Variants in DIP2C observed in about 807,000 individuals in gnomAD.
The protein encoded by DIP2C is disco-interacting protein 2 homolog C.
A neutral mutation model predicts 192.4 loss-of-function variants in DIP2C; 33 were observed. That is an observed-to-expected ratio of 0.17 (90% confidence interval 0.13 to 0.23). The LOEUF (loss-of-function observed/expected upper bound fraction) is 0.23. DIP2C is among the 10% of genes least tolerant of loss of function. The pLI is 1.00. For missense variants in DIP2C, 1,537 were observed against 2,110.1 expected, an observed-to-expected ratio of 0.73 and a Z score of 5.32; for synonymous variants, 979 against 864.1, an observed-to-expected ratio of 1.13 and a Z score of -2.33.
chr10:275,145 A>G lies in DIP2C; in HGVS notation c.*2180T>C, dbSNP rs1010639437. On this transcript the variant is annotated 3_prime_UTR_variant, in exon 37 of 37. Coordinates refer to ENST00000280886, the MANE Select transcript of DIP2C (RefSeq NM_014974.3). ...CAGTTGAAATTATGTTTGAAGTGACATCTACATTTGTTTTGCTTCCTGACT... is the reference window on the plus strand; with the variant it reads ...CAGTTGAAATTATGTTTGAAGTGACGTCTACATTTGTTTTGCTTCCTGACT... 4 of 152,288 alleles carry G rather than the reference A, an allele frequency of 2.6e-5. No homozygotes were observed. The highest frequency in any genetic ancestry group is 1.3e-4 in the Admixed American group (2 of 15,286). The allele number at this position is 152,288 out of a possible 1,614,324, so 9.4% of individuals were successfully genotyped here.
intron 26 of DIP2C, among the ~76,000 whole-genome samples, chr10:346,733 A>G (rs71489240): frequency 8.0e-5 from 6 of 75,388 alleles, no homozygotes; most frequent in Non-Finnish European, 9.9e-5. Flanking sequence ...AACGTCACAC[A>G]CACCCAGACA....
In DIP2C at chr10:662,609, A is replaced by G. The variant is rs150484411; in HGVS notation, c.85+26885T>C. Among the ~76,000 whole-genome samples, 274 of 152,364 alleles carry G rather than the reference A, an allele frequency of 1.8e-3. 3 individuals carry two copies. The highest frequency in any genetic ancestry group is 6.3e-3 in the African/African-American group (262 of 41,582). On this transcript the variant is annotated intron_variant, in intron 1 of 36. Coordinates refer to ENST00000280886, the MANE Select transcript of DIP2C (RefSeq NM_014974.3). ...AAAGAGAGAGTAATTGATTGGATAAAAACTAAGATGGATGCCTTTCAAAGA... is the reference window on the plus strand; with the variant it reads ...AAAGAGAGAGTAATTGATTGGATAAGAACTAAGATGGATGCCTTTCAAAGA...
At chr10:367,194 GA>G (rs1960348592) in intron 18 of DIP2C, among the ~76,000 whole-genome samples, 1 of 152,174 alleles carries the variant, frequency 6.6e-6, no homozygotes, top group African/African-American at 2.4e-5. Context: ...GAGGCGGGCG[GA>G]TCACAAGGTC....
intron 2 of DIP2C, among the ~76,000 whole-genome samples, chr10:480,189 G>A (rs887594690): frequency 4.1e-5 from 6 of 145,802 alleles, no homozygotes; most frequent in African/African-American, 1.3e-4. Flanking sequence ...CCCGGTCCAT[G>A]CTCACTGGAT....
chr10:414,003 C>T lies in DIP2C; in HGVS notation c.967G>A (p.Ala323Thr). 6.2e-7 allele frequency: 1 copy of T among 1,614,084 alleles called. No individual in the cohort carries two copies. Among genetic ancestry groups the T allele is most frequent in the Non-Finnish European group, 8.5e-7 (1 of 1,179,998 alleles). The change falls in exon 8 of 37, where the codon GCA becomes ACA. Residue 323 changes from alanine (A) to threonine (T), a missense_variant. Ala to Thr is a moderately conservative substitution (Grantham distance 58). Coordinates refer to ENST00000280886, the MANE Select transcript of DIP2C (RefSeq NM_014974.3). ...GAGATGGTGCCCCACCTCTGCAGTG[C>T]GGCCTCCAGCGACGGCGGCCAGTTC... ...VTNWPPSLEA[A>T]LQRWGTISPK...
intron 24 of DIP2C, among the ~76,000 whole-genome samples, chr10:350,096 G>A (rs201918614): frequency 2.0e-5 from 3 of 152,120 alleles, no homozygotes; most frequent in Non-Finnish European, 4.4e-5. Flanking sequence ...TGTGGGATTC[G>A]CTGTTTTTTG....
At chr10:682,944 A>G (rs1176319926) in intron 1 of DIP2C, among the ~76,000 whole-genome samples, 1 of 152,196 alleles carries the variant, frequency 6.6e-6, no homozygotes, top group Non-Finnish European at 1.5e-5. Flanking sequence ...CAGTCACAGC[A>G]TCTCTCCACG....
In DIP2C at chr10:334,598, A is replaced by C. The variant is rs553067596; in HGVS notation, c.3585-4997T>G. Among the ~76,000 whole-genome samples the C allele has an allele frequency of 3.3e-5, 5 of 152,322 alleles. No homozygotes were observed. The South Asian group carries it at 1.0e-3, about 32-fold the overall frequency. ...TAAGATCTATGATCCACTTGAACTAACTTAGGTATATGACGTTGAGTCAAG... is the reference window on the plus strand; with the variant it reads ...TAAGATCTATGATCCACTTGAACTACCTTAGGTATATGACGTTGAGTCAAG... On this transcript the variant is annotated intron_variant, in intron 29 of 36. Coordinates refer to ENST00000280886, the MANE Select transcript of DIP2C (RefSeq NM_014974.3).
intron 4 of DIP2C, chr10:430,613 CCT>C (rs1446556025): frequency 2.0e-5 from 3 of 152,216 alleles, no homozygotes; most frequent in Non-Finnish European, 4.4e-5. Context: ...ACATCCTCTC[CCT>C]GTCTGTGGCT....
chr10:584,138 G>A (rs1204155155), intron 1 of DIP2C, among the ~76,000 whole-genome samples: 1 of 152,058 alleles, frequency 6.6e-6, no homozygotes. Context: ...TCTAAATCCT[G>A]CTAACTGCAC....
At chr10:567,365 T>C (rs1267726447) in intron 1 of DIP2C, among the ~76,000 whole-genome samples, 1 of 152,136 alleles carries the variant, frequency 6.6e-6, no homozygotes, top group Non-Finnish European at 1.5e-5. Flanking sequence ...CTAATTTTTT[T>C]ATTCTTAGTA....
intron 1 of DIP2C, chr10:665,394 A>G (rs1383989641): frequency 6.6e-6 from 1 of 152,230 alleles, no homozygotes; most frequent in Non-Finnish European, 1.5e-5. Flanking sequence ...GTAATAAATA[A>G]TTATGTAATC....
At chr10:349,880 T>C (rs1471725849) in intron 24 of DIP2C, among the ~76,000 whole-genome samples, 2 of 151,866 alleles carry the variant, frequency 1.3e-5, no homozygotes, top group East Asian at 1.9e-4. Context: ...AAAGACCACA[T>C]CAAAAATCAA....
Position 413,857 on chromosome 10 carries a change from C to T in DIP2C, c.1057+56G>A, listed in dbSNP as rs144118643. 10,420 of 1,573,688 alleles carry T rather than the reference C, an allele frequency of 6.6e-3. 45 individuals are homozygous for T. Among genetic ancestry groups the T allele is most frequent in the Non-Finnish European group, 7.4e-3 (8,540 of 1,154,476 alleles). ...AAACGGACACTGAGTTTCCTGCGTT[C>T]GGGAGTGGCTGTGCGAGGGGGTGGG... is the stretch of plus-strand genomic sequence containing the variant. On this transcript the variant is annotated intron_variant, in intron 8 of 36. Coordinates refer to ENST00000280886, the MANE Select transcript of DIP2C (RefSeq NM_014974.3).
At chr10:395,402 C>T (rs1963906486) in intron 10 of DIP2C, among the ~76,000 whole-genome samples, 1 of 152,030 alleles carries the variant, frequency 6.6e-6, no homozygotes, top group South Asian at 2.1e-4. Context: ...CACTCTACCC[C>T]ATAAATGTAT....
chr10:465,910 C>T (rs1189474846), intron 3 of DIP2C, among the ~76,000 whole-genome samples: 2 of 152,036 alleles, frequency 1.3e-5, no homozygotes, highest in African/African-American at 4.8e-5. Context: ...AATGGAAGAA[C>T]ATTCCATGCT....
chr10:347,590 G>A lies in DIP2C; in HGVS notation c.3231+1051C>T, dbSNP rs1304820297. ...AACCCCACACGCACCCAGACACATC[G>A]CGCATAGTTCTCCCGGAAACCCTAC... On this transcript the variant is annotated intron_variant, in intron 26 of 36. Transcript: ENST00000280886. 1.8e-4 allele frequency among the ~76,000 whole-genome samples: 21 copies of A among 114,482 alleles called. 1 individual carries two copies. Among genetic ancestry groups the A allele is most frequent in the Admixed American group, 2.9e-4 (3 of 10,446 alleles). The allele number at this position is 114,482 out of a possible 152,430, so 75.1% of individuals were successfully genotyped here.
chr10:301,464 G>T (rs144085170), intron 32 of DIP2C, among the ~76,000 whole-genome samples: 1 of 152,280 alleles, frequency 6.6e-6, no homozygotes, highest in African/African-American at 2.4e-5. Context: ...GGTGGGAACT[G>T]CTCATTCGCT....
intron 1 of DIP2C, among the ~76,000 whole-genome samples, chr10:660,946 G>C (rs201443014): frequency 6.6e-6 from 1 of 152,188 alleles, no homozygotes; most frequent in Non-Finnish European, 1.5e-5. Flanking sequence ...TAACACAAGT[G>C]CTAACAACAC....
Sources: gnomAD v4.1 joint callset for allele counts (sites outside exome capture counted in the v4.1 genomes callset) on GRCh38, gnomAD v4.1.1 for gene constraint, MANE v1.5 for transcripts, NCBI Gene and HGNC (gene_info 2026-07-23, HGNC 2026-07-21) for gene names.